The following CCNH variants were observed in gnomAD, a reference collection of about 807,000 sequenced individuals.
The protein encoded by CCNH is cyclin-H.
CCNH carries 31 observed loss-of-function variants against 41.9 expected under a neutral mutation model. That is an observed-to-expected ratio of 0.74 (90% confidence interval 0.56 to 1.00). CCNH has a LOEUF of 1.00. Ranked by LOEUF, CCNH falls within the 50% of genes least tolerant of loss-of-function variation. The pLI is 0.00. For synonymous variants in CCNH, 138 were observed against 136.1 expected, an observed-to-expected ratio of 1.01 and a Z score of -0.10; for missense variants, 362 against 388.4, an observed-to-expected ratio of 0.93 and a Z score of 0.57.
downstream of CCNH, chr5:87,376,233 T>G: frequency 1.2e-6 from 1 of 806,722 alleles, no homozygotes; most frequent in Non-Finnish European, 2.0e-6. Context: ...AGACACTCAG[T>G]AAATAAACAA....
At chr5:87,344,533 A>G (rs950755652) in intron 9 of CCNH, among the ~76,000 whole-genome samples, 4 of 151,876 alleles carry the variant, frequency 2.6e-5, no homozygotes, top group African/African-American at 9.7e-5. Flanking sequence ...TGTTTTAGAG[A>G]TAGGTTCTTG....
At chr5:87,379,359 A>T (rs1761546573), upstream of CCNH, among the ~76,000 whole-genome samples, 1 of 152,162 alleles carries the variant, frequency 6.6e-6, no homozygotes, top group African/African-American at 2.4e-5. Context: ...CTGACACTAG[A>T]TCAGAAGGGT....
intron 5 of CCNH, among the ~76,000 whole-genome samples, chr5:87,401,978 T>C (rs1350772281): frequency 6.6e-6 from 1 of 152,224 alleles, no homozygotes; most frequent in Non-Finnish European, 1.5e-5. Flanking sequence ...TTTAGTGACA[T>C]TCAGGTACAA....
At position 87,408,201 on chromosome 5, in the gene CCNH, A is replaced by G; in HGVS notation, c.315-15T>C. 6.7e-7 allele frequency: 1 copy of G among 1,495,988 alleles called. No individual in the cohort carries two copies. 92.7% of individuals were successfully genotyped at this position (1,495,988 alleles called of 1,614,324 possible). A position where few individuals can be genotyped will look rare whatever the true frequency, so the allele number is the denominator to read the frequency against. ...CACAAGTGAGCCTAGAGGAAAAAAT[A>G]AGGAGGCAGGAGGCAGGGGGTGGGT... On this transcript the variant is annotated splice_polypyrimidine_tract_variant and intron_variant, in intron 3 of 8. Coordinates refer to ENST00000256897, the MANE Select transcript of CCNH (RefSeq NM_001239.4).
chr5:87,376,736 G>A (rs142943604), exon 1 of CCNH: 37 of 1,196,668 alleles, frequency 3.1e-5, no homozygotes, highest in Middle Eastern at 2.8e-4. Context: ...AGTAGACTAC[G>A]AATTCATTCT....
At chr5:87,399,540 A>G (rs767604676) in intron 6 of CCNH, 35 bp from the exon 7 acceptor site, 3 of 1,361,654 alleles carry the variant, frequency 2.2e-6, no homozygotes, top group South Asian at 2.3e-5. Flanking sequence ...TAAACTGAAT[A>G]AGCAAACCTC....
chr5:87,356,776 T>G (rs1316218085), intron 9 of CCNH, among the ~76,000 whole-genome samples: 1 of 152,198 alleles, frequency 6.6e-6, no homozygotes, highest in Non-Finnish European at 1.5e-5. Context: ...TAAACATAAC[T>G]TATACGTGCA....
chr5:87,334,279 A>C (rs1213662642), intron 9 of CCNH, among the ~76,000 whole-genome samples: 1 of 152,196 alleles, frequency 6.6e-6, no homozygotes, highest in Non-Finnish European at 1.5e-5. Context: ...AGAAGATGAG[A>C]TGAGATGTCC....
At chr5:87,315,312 TAAC>T (rs1487789398), downstream of CCNH, among the ~76,000 whole-genome samples, 1 of 152,178 alleles carries the variant, frequency 6.6e-6, no homozygotes, top group African/African-American at 2.4e-5. Context: ...AGCTACATAA[TAAC>T]AAAGTGCAGG....
Position 87,383,769 on chromosome 5 carries a change from A to G in CCNH, c.*90+9001T>C, listed in dbSNP as rs765747521. 2.7e-5 allele frequency: 43 copies of G among 1,610,472 alleles called. No individual in the cohort carries two copies. The highest frequency in any genetic ancestry group is 1.6e-4 in the Middle Eastern group (1 of 6,066). ...GCCATCCTGAATCCACGGATGTTCA[A>G]TATCATCTCAGGTAATCAGCTTTTG... On this transcript the variant is annotated intron_variant and NMD_transcript_variant, in intron 9 of 9. Transcript: ENST00000645953.
At chr5:87,335,814 G>A (rs1409845942) in intron 9 of CCNH, among the ~76,000 whole-genome samples, 1 of 152,096 alleles carries the variant, frequency 6.6e-6, no homozygotes, top group Non-Finnish European at 1.5e-5. Flanking sequence ...AAAGGTCAAC[G>A]CATGTTGTTA....
At chr5:87,353,028 G>T in intron 9 of CCNH, 2 of 668,636 alleles carry the variant, frequency 3.0e-6, no homozygotes, top group Middle Eastern at 4.1e-4. Context: ...TTCTATTAAT[G>T]TATTTGTGTT....
intron 9 of CCNH, among the ~76,000 whole-genome samples, chr5:87,334,943 G>T (rs1244852228): frequency 6.6e-6 from 1 of 152,122 alleles, no homozygotes; most frequent in Non-Finnish European, 1.5e-5. Context: ...GAGTGCAGTG[G>T]CACGATCTTG....
downstream of CCNH, chr5:87,393,508 G>A (rs2112538535): frequency 6.6e-6 from 1 of 152,230 alleles, no homozygotes; most frequent in African/African-American, 2.4e-5. Flanking sequence ...AAATACAGCT[G>A]GCCATGATTC....
downstream of CCNH, among the ~76,000 whole-genome samples, chr5:87,315,244 T>A (rs1002290512): frequency 6.6e-6 from 1 of 152,214 alleles, no homozygotes; most frequent in Non-Finnish European, 1.5e-5. Flanking sequence ...TCTTACAATT[T>A]TGGATGCTGG....
downstream of CCNH, chr5:87,394,099 T>C (rs1270431708): frequency 4.0e-6 from 1 of 251,164 alleles, no homozygotes; most frequent in Non-Finnish European, 6.7e-6. Flanking sequence ...GCAAAACACA[T>C]TCCTTAACAC....
At chr5:87,346,681 T>C (rs758953066) in intron 9 of CCNH, 1 of 1,552,792 alleles carries the variant, frequency 6.4e-7, no homozygotes, top group Non-Finnish European at 8.9e-7. Flanking sequence ...GATGGTTCCA[T>C]GGGAAGATTT....
intron 9 of CCNH, chr5:87,353,173 G>T: frequency 6.2e-7 from 1 of 1,610,044 alleles, no homozygotes; most frequent in African/African-American, 1.3e-5. Context: ...GGACATCATA[G>T]ATCACTATCG....
chr5:87,328,965 ATAATT>A (rs76894605), intron 9 of CCNH, among the ~76,000 whole-genome samples: 54,155 of 151,584 alleles, frequency 0.36, 9,936 homozygotes, highest in East Asian at 0.47. Flanking sequence ...TGATGGCTGG[ATAATT>A]TAATTGCAGT....
Sources: allele counts gnomAD v4.1 joint callset (sites outside exome capture counted in the v4.1 genomes callset), GRCh38; gene constraint gnomAD v4.1.1; transcripts MANE v1.5; gene names NCBI Gene and HGNC (gene_info 2026-07-23, HGNC 2026-07-21).